The following USP8 variants were observed in gnomAD, a reference collection of about 807,000 sequenced individuals.
The protein encoded by USP8 is ubiquitin carboxyl-terminal hydrolase 8.
USP8 carries 27 observed loss-of-function variants against 130.0 expected under a neutral mutation model. That is an observed-to-expected ratio of 0.21 (90% CI 0.15 to 0.29). The LOEUF (loss-of-function observed/expected upper bound fraction) is 0.29. Ranked by LOEUF, USP8 falls within the 10% of genes least tolerant of loss-of-function variation. The pLI is 1.00. For missense variants in USP8, 1,029 were observed against 1,312.2 expected (o/e 0.78, Z 3.33); for synonymous variants, 392 against 444.1 (o/e 0.88, Z 1.48).
intron 7 of USP8, chr15:50,466,594 CAA>C (rs559413706): frequency 9.5e-4 from 73 of 76,580 alleles, no homozygotes; most frequent in Non-Finnish European, 1.3e-3. Flanking sequence ...GACTCTGTCT[CAA>C]AAAAAAAAAA....
intron 4 of USP8, among the ~76,000 whole-genome samples, chr15:50,451,398 G>C (rs1211340353): frequency 6.6e-6 from 1 of 152,116 alleles, no homozygotes; most frequent in Non-Finnish European, 1.5e-5. Context: ...GCGACAGAGT[G>C]AGACTCTGTC....
chr15:50,489,251 AT>A (rs1566884209), intron 12 of USP8, among the ~76,000 whole-genome samples: 1 of 152,194 alleles, frequency 6.6e-6, no homozygotes, highest in East Asian at 1.9e-4. Flanking sequence ...CTTTAGGTAG[AT>A]TTAGAATAAG....
Position 50,477,397 on chromosome 15 carries a change from G to A in USP8, c.1116G>A (p.Met372Ile). ...TGATAAGTGGTCAAAATGAGAGAATGGGACCACTGAATATATCAACTCCAG... is the reference window on the plus strand; with the variant it reads ...TGATAAGTGGTCAAAATGAGAGAATAGGACCACTGAATATATCAACTCCAG... ...IELISGQNER[M>I]GPLNISTPVE... is the part of the protein sequence containing the mutation. The change falls in exon 10 of 20, where the codon ATG becomes ATA. Residue 372 changes from methionine (M) to isoleucine (I), a missense_variant. Met to Ile is a conservative substitution (Grantham distance 10). This residue lies in a region of USP8 where 486 missense variants were observed against 522.0 expected (regional missense o/e 0.93). Transcript: ENST00000307179. The A allele has an allele frequency of 6.2e-7, 1 of 1,614,050 alleles. No homozygotes were observed. The highest frequency in any genetic ancestry group is 8.5e-7 in the Non-Finnish European group (1 of 1,179,998).
Position 50,503,745 on chromosome 15 carries a change from G to A in USP8, c.*4657G>A, listed in dbSNP as rs1388400519. On this transcript the variant is annotated 3_prime_UTR_variant, in exon 20 of 20. Transcript: ENST00000307179. ...GTATTTCTAGGGCAGTTGCCAGAAG[G>A]AAACAGAATTTCTAGATTGTTGCAT... is the stretch of plus-strand genomic sequence containing the variant. 1 of 152,176 alleles carries A rather than the reference G, an allele frequency of 6.6e-6. No individual in the cohort carries two copies. The highest frequency in any genetic ancestry group is 2.4e-5 in the African/African-American group (1 of 41,438). The allele number at this position is 152,176 out of a possible 1,614,324, so 9.4% of individuals were successfully genotyped here. A position where few individuals can be genotyped will look rare whatever the true frequency, so the allele number is the denominator to read the frequency against.
At chr15:50,463,404 C>T (rs1273485537) in intron 6 of USP8, 8 of 152,214 alleles carry the variant, frequency 5.3e-5, no homozygotes, top group African/African-American at 1.7e-4. Context: ...CCACCTAACG[C>T]GCCCGATCTC....
intron 2 of USP8, among the ~76,000 whole-genome samples, chr15:50,439,790 C>CAAT (rs57780466): frequency 0.07 from 9,301 of 133,418 alleles, 365 homozygotes; most frequent in African/African-American, 0.08. Context: ...AACTCTGTCT[C>CAAT]AATAATAATA....
chr15:50,474,201 C>G (rs546563771), intron 8 of USP8, among the ~76,000 whole-genome samples: 2 of 152,162 alleles, frequency 1.3e-5, no homozygotes, highest in African/African-American at 4.8e-5. Flanking sequence ...TGAGATTTCA[C>G]TATGTTGCCC....
At chr15:50,465,236 A>G (rs777094391) in intron 7 of USP8, 45 bp downstream of exon 7, 1 of 1,578,436 alleles carries the variant, frequency 6.3e-7, no homozygotes, top group Non-Finnish European at 8.6e-7. Context: ...AGTAAGTAGT[A>G]AACTGTGGAC....
intron 10 of USP8, 111 bp downstream of exon 10, chr15:50,477,610 G>C (rs2051611362): frequency 4.0e-6 from 4 of 989,220 alleles, no homozygotes. Context: ...GAGGCTGAGA[G>C]GGGCAGATCA....
chr15:50,496,366 C>T (rs574345899), intron 17 of USP8, among the ~76,000 whole-genome samples: 8 of 151,612 alleles, frequency 5.3e-5, no homozygotes, highest in South Asian at 4.2e-4. Context: ...CTGTAGTCCC[C>T]GCTACTCAGG....
intron 11 of USP8, among the ~76,000 whole-genome samples, chr15:50,483,931 T>TA (rs2051861133): frequency 6.6e-6 from 1 of 152,222 alleles, no homozygotes; most frequent in South Asian, 2.1e-4. Context: ...CCTTTCAAGA[T>TA]AACCAAAATC....
Position 50,497,153 on chromosome 15 carries a change from A to G in USP8, c.2960A>G (p.His987Arg), listed in dbSNP as rs375149813. ...LTDNNRFYCS[H>R]CRARRDSLKK... The stretch of plus-strand genomic sequence containing the variant: ...GATAACAACAGATTTTACTGCAGTC[A>G]TTGCAGAGCTCGACGGGATTCTCTA... The change falls in exon 18 of 20, where the codon CAT becomes CGT. Residue 987 changes from histidine (H) to arginine (R), a missense_variant. Around this residue, in one of 4 missense-constraint regions of USP8, gnomAD observed 257 missense variants for 429.8 expected, o/e 0.60. Transcript: ENST00000307179. The G allele has an allele frequency of 9.3e-6, 15 of 1,610,662 alleles. No homozygotes were observed. Among genetic ancestry groups the G allele is most frequent in the African/African-American group, 1.3e-5 (1 of 74,670 alleles).
intron 12 of USP8, among the ~76,000 whole-genome samples, chr15:50,486,421 A>G (rs2051963157): frequency 6.6e-6 from 1 of 152,048 alleles, no homozygotes; most frequent in African/African-American, 2.4e-5. Flanking sequence ...TGGGAAGGTC[A>G]AGGATACAGT....
chr15:50,495,589 A>G (rs2052366174), intron 16 of USP8, among the ~76,000 whole-genome samples: 1 of 151,912 alleles, frequency 6.6e-6, no homozygotes, highest in Non-Finnish European at 1.5e-5. Flanking sequence ...AGCATGAACC[A>G]CCACATCTGG....
chr15:50,503,319 T>C lies in USP8; in HGVS notation c.*4231T>C, dbSNP rs889568193. 3 of 152,426 alleles carry C rather than the reference T, an allele frequency of 2.0e-5. No homozygotes were observed. The highest frequency in any genetic ancestry group is 2.0e-4 in the Admixed American group (3 of 15,290). The allele number at this position is 152,426 out of a possible 1,614,324, so 9.4% of individuals were successfully genotyped here. A position where few individuals can be genotyped will look rare whatever the true frequency, so the allele number is the denominator to read the frequency against. The stretch of plus-strand genomic sequence containing the variant: ...GAGATCATGCCATTGCATTCCAGCC[T>C]GGGCGGAGCCCTAAACAGGAAATTT... On this transcript the variant is annotated 3_prime_UTR_variant, in exon 20 of 20. Transcript: ENST00000307179.
At chr15:50,489,928 AT>A (rs1182304165) in intron 13 of USP8, 47 bp downstream of exon 13, 1 of 1,450,962 alleles carries the variant, frequency 6.9e-7, no homozygotes, top group Non-Finnish European at 9.4e-7. Context: ...TTCCTAAAAA[AT>A]GTTTTATTTG....
rs765241177 is a variant in USP8, at chr15:50,490,542, T to C, written c.2234+17T>C. 6 of 1,609,746 alleles carry C rather than the reference T, an allele frequency of 3.7e-6. No homozygotes were observed. The Admixed American group carries it at 1.0e-4, about 27-fold the overall frequency. Reference sequence around the variant, plus strand: ...GGAAAACAAGTATGTTTATCTTAACTCCTAGAACTAAAATAATGTGCTGTA... The same window carrying C: ...GGAAAACAAGTATGTTTATCTTAACCCCTAGAACTAAAATAATGTGCTGTA... On this transcript the variant is annotated intron_variant, in intron 14 of 19. Transcript: ENST00000307179.
chr15:50,427,776 C>G (rs558819394), intron 1 of USP8, among the ~76,000 whole-genome samples: 2 of 151,812 alleles, frequency 1.3e-5, no homozygotes. Flanking sequence ...CCAGGCTGGT[C>G]TTGAACTCCT....
intron 14 of USP8, 104 bp from the exon 15 acceptor site, chr15:50,492,597 A>C (rs1289289003): frequency 3.7e-6 from 4 of 1,089,070 alleles, no homozygotes; most frequent in Middle Eastern, 4.1e-4. Flanking sequence ...TGTTTACAAG[A>C]TGCCTGTGGT....
Sources: allele counts gnomAD v4.1 joint callset (sites outside exome capture counted in the v4.1 genomes callset), GRCh38; gene constraint gnomAD v4.1.1; regional missense constraint gnomAD v4.1.1; transcripts MANE v1.5; gene names NCBI Gene and HGNC (gene_info 2026-07-23, HGNC 2026-07-21).